DLGAP1: variants seen among roughly 807,000 people sequenced by gnomAD.
DLGAP1 encodes the protein disks large-associated protein 1.
A neutral mutation model predicts 90.8 loss-of-function variants in DLGAP1; 11 were observed. That is an observed-to-expected ratio of 0.12 (90% confidence interval 0.08 to 0.20). The LOEUF is 0.20. DLGAP1 is among the 10% of genes least tolerant of loss of function. The probability of loss-of-function intolerance (pLI) is 1.00; values close to 1 mark genes in which losing one functional copy is unlikely to be tolerated. For synonymous variants in DLGAP1, 558 were observed against 540.7 expected, an observed-to-expected ratio of 1.03 and a Z score of -0.44; for missense variants, 1,050 against 1,333.8, an observed-to-expected ratio of 0.79 and a Z score of 3.31.
At chr18:3,865,475 C>G (rs2148763982) in intron 4 of DLGAP1, among the ~76,000 whole-genome samples, 1 of 152,262 alleles carries the variant, frequency 6.6e-6, no homozygotes, top group African/African-American at 2.4e-5. Flanking sequence ...TACTTGTTTT[C>G]AAACATGACT....
chr18:3,978,288 C>A, intron 3 of DLGAP1: 1 of 400,624 alleles, frequency 2.5e-6, no homozygotes, highest in South Asian at 2.0e-5. Flanking sequence ...TGCAAGTGAG[C>A]CTCAGCCTTC....
intron 7 of DLGAP1, among the ~76,000 whole-genome samples, chr18:3,606,164 T>C (rs889582160): frequency 2.6e-5 from 4 of 152,176 alleles, no homozygotes; most frequent in Non-Finnish European, 4.4e-5. Flanking sequence ...GACAAAACTA[T>C]CCTAGAGGTG....
At chr18:4,141,869 C>T (rs559265150) in intron 2 of DLGAP1, among the ~76,000 whole-genome samples, 2 of 151,944 alleles carry the variant, frequency 1.3e-5, no homozygotes, top group African/African-American at 4.8e-5. Flanking sequence ...TTCTAAATTC[C>T]TTCTCTGTTT....
intron 3 of DLGAP1, among the ~76,000 whole-genome samples, chr18:3,994,189 G>T (rs975538747): frequency 1.3e-5 from 2 of 152,182 alleles, no homozygotes; most frequent in African/African-American, 4.8e-5. Context: ...GGGTGCCGAG[G>T]GTGGGGGAGA....
At chr18:3,616,591 CA>C (rs59615387) in intron 7 of DLGAP1, among the ~76,000 whole-genome samples, 1,732 of 127,196 alleles carry the variant, frequency 0.014, 26 homozygotes, top group African/African-American at 0.039. Flanking sequence ...CTCCACAAAA[CA>C]AAAAAAAAAA....
chr18:3,766,982 T>A (rs898323765), intron 5 of DLGAP1, among the ~76,000 whole-genome samples: 1 of 152,034 alleles, frequency 6.6e-6, no homozygotes, highest in African/African-American at 2.4e-5. Flanking sequence ...AGAATCAAAG[T>A]TCTTCTTTGA....
At chr18:4,034,985 T>C (rs2074864501) in intron 2 of DLGAP1, among the ~76,000 whole-genome samples, 3 of 152,156 alleles carry the variant, frequency 2.0e-5, no homozygotes, top group Admixed American at 1.3e-4. Context: ...GCTTCATCCA[T>C]GTCCCTGCAA....
At chr18:3,790,459 G>A (rs959533636) in intron 5 of DLGAP1, among the ~76,000 whole-genome samples, 24 of 152,016 alleles carry the variant, frequency 1.6e-4, no homozygotes, top group African/African-American at 5.5e-4. Flanking sequence ...TGTAGAGATG[G>A]GGTCTTGCTA....
chr18:4,443,383 T>C (rs1474812533), intron 1 of DLGAP1, among the ~76,000 whole-genome samples: 2 of 152,220 alleles, frequency 1.3e-5, no homozygotes, highest in Non-Finnish European at 2.9e-5. Flanking sequence ...GAGCATCATC[T>C]AGCACCAACC....
At chr18:3,760,800 C>T (rs1375475829) in intron 5 of DLGAP1, among the ~76,000 whole-genome samples, 2 of 152,162 alleles carry the variant, frequency 1.3e-5, no homozygotes, top group Non-Finnish European at 2.9e-5. Context: ...AAATCAATTA[C>T]AACAATCCAG....
chr18:3,605,876 A>G (rs1299399842), intron 7 of DLGAP1, among the ~76,000 whole-genome samples: 1 of 151,846 alleles, frequency 6.6e-6, no homozygotes, highest in Non-Finnish European at 1.5e-5. Context: ...AACAAAAACC[A>G]AAAAGTTTAC....
At chr18:3,978,083 G>T in intron 3 of DLGAP1, 1 of 391,428 alleles carries the variant, frequency 2.6e-6, no homozygotes, top group South Asian at 2.0e-5. Context: ...TTTTCTGGGT[G>T]GCAGTAATGG....
chr18:3,686,003 G>A lies in DLGAP1; in HGVS notation c.1591+43132C>T, dbSNP rs368678476. 1.1e-3 allele frequency among the ~76,000 whole-genome samples: 162 copies of A among 151,974 alleles called. 1 individual carries two copies. Among genetic ancestry groups the A allele is most frequent in the Non-Finnish European group, 2.0e-3 (134 of 67,964 alleles). On this transcript the variant is annotated intron_variant, in intron 7 of 12. Coordinates refer to ENST00000315677, the MANE Select transcript of DLGAP1 (RefSeq NM_004746.4). ...AGCCTGGCCAACATGATGAGAGCCC[G>A]TCTCTACTAAAAATACAGAAAAATT... is the stretch of plus-strand genomic sequence containing the variant.
At chr18:4,037,970 A>G (rs2074916515) in intron 2 of DLGAP1, among the ~76,000 whole-genome samples, 1 of 152,202 alleles carries the variant, frequency 6.6e-6, no homozygotes, top group Admixed American at 6.5e-5. Flanking sequence ...AAAAACAAAA[A>G]TTACCTTTTA....
At chr18:3,547,023 C>T (rs529537) in intron 9 of DLGAP1, among the ~76,000 whole-genome samples, 80,208 of 151,646 alleles carry the variant, frequency 0.53, 25,935 homozygotes, top group Non-Finnish European at 0.69. Flanking sequence ...AAATGAGAGC[C>T]GGGCGCGGTG....
chr18:4,108,246 A>T (rs1016775126), intron 2 of DLGAP1, among the ~76,000 whole-genome samples: 2 of 152,130 alleles, frequency 1.3e-5, no homozygotes, highest in African/African-American at 4.8e-5. Flanking sequence ...CACAGAGAGG[A>T]CATGAAGAAT....
chr18:3,893,271 AC>A (rs1462193699), intron 3 of DLGAP1, among the ~76,000 whole-genome samples: 5 of 152,028 alleles, frequency 3.3e-5, no homozygotes, highest in African/African-American at 1.2e-4. Flanking sequence ...GTGTATATAT[AC>A]CACATTTAAA....
intron 1 of DLGAP1, among the ~76,000 whole-genome samples, chr18:4,358,079 A>G (rs986380788): frequency 6.6e-6 from 1 of 152,222 alleles, no homozygotes; most frequent in Non-Finnish European, 1.5e-5. Context: ...AAATCTTTAC[A>G]AAAGGCCTAC....
Position 3,567,553 on chromosome 18 carries a change from G to T in DLGAP1, c.1994C>A (p.Thr665Lys). 3 of 1,613,900 alleles carry T rather than the reference G, an allele frequency of 1.9e-6. No homozygotes were observed. Among genetic ancestry groups the T allele is most frequent in the Non-Finnish European group, 2.5e-6 (3 of 1,179,940 alleles). The change falls in exon 9 of 13, where the codon ACA (threonine) becomes AAA (lysine). Residue 665 changes from threonine to lysine, a missense_variant. Thr to Lys is a moderately conservative substitution (Grantham distance 78). This residue lies in a region of DLGAP1 where 565 missense variants were observed against 879.7 expected (regional missense o/e 0.64). Coordinates refer to ENST00000315677, the MANE Select transcript of DLGAP1 (RefSeq NM_004746.4). ...CTTACTGGGTGCTTTATTCTCCCCTGTTTTGTCAGGTTCTTCAGCATCATC... is the reference window on the plus strand; with the variant it reads ...CTTACTGGGTGCTTTATTCTCCCCTTTTTTGTCAGGTTCTTCAGCATCATC... The part of the protein sequence containing the change: ...QVDDAEEPDK[T>K]GENKAPSKFQ...
Sources: gnomAD v4.1 joint callset for allele counts (sites outside exome capture counted in the v4.1 genomes callset) on GRCh38, gnomAD v4.1.1 for gene constraint, gnomAD v4.1.1 regional missense constraint, MANE v1.5 for transcripts, NCBI Gene and HGNC (gene_info 2026-07-23, HGNC 2026-07-21) for gene names.